Variants in DOCK8 observed in about 807,000 individuals in gnomAD.
The protein encoded by DOCK8 is dedicator of cytokinesis 8.
In DOCK8, 141 loss-of-function variants were observed where a neutral mutation model predicts 245.6. The ratio of observed to expected loss-of-function variants is 0.57; its 90% CI spans 0.50 to 0.66. The LOEUF (loss-of-function observed/expected upper bound fraction) is 0.66, where lower values mean the gene tolerates loss of function less well. Ranked by LOEUF, DOCK8 falls within the 30% of genes least tolerant of loss-of-function variation. The probability of loss-of-function intolerance (pLI) is 0.00; values close to 1 mark genes in which losing one functional copy is unlikely to be tolerated. For synonymous variants in DOCK8, 1,168 were observed against 970.2 expected, an observed-to-expected ratio of 1.20 and a Z score of -3.79; for missense variants, 2,965 against 2,603.4, an observed-to-expected ratio of 1.14 and a Z score of -3.02.
At chr9:307,009 G>A (rs972434392) in intron 5 of DOCK8, among the ~76,000 whole-genome samples, 8 of 152,146 alleles carry the variant, frequency 5.3e-5, no homozygotes, top group African/African-American at 1.9e-4. Flanking sequence ...GGTAAGATAA[G>A]GGTGATTCTG....
At chr9:372,308 A>G (rs1563977514) in intron 18 of DOCK8, 22 bp downstream of exon 18, 1 of 1,588,778 alleles carries the variant, frequency 6.3e-7, no homozygotes, top group Admixed American at 1.7e-5. Context: ...GCTGGCCATC[A>G]GCTGTTTCTT....
At chr9:450,917 C>T (rs1305355309) in intron 45 of DOCK8, among the ~76,000 whole-genome samples, 1 of 151,298 alleles carries the variant, frequency 6.6e-6, no homozygotes, top group African/African-American at 2.4e-5. Context: ...TCAAGGCAAT[C>T]CTGATTTTTA....
chr9:283,855 C>T (rs1301600033), intron 2 of DOCK8, among the ~76,000 whole-genome samples: 1 of 152,102 alleles, frequency 6.6e-6, no homozygotes, highest in Non-Finnish European at 1.5e-5. Context: ...CATTTGGGTT[C>T]CATCCCGTGG....
chr9:427,212 T>C (rs1176136256), intron 34 of DOCK8, among the ~76,000 whole-genome samples: 1 of 152,158 alleles, frequency 6.6e-6, no homozygotes, highest in Non-Finnish European at 1.5e-5. Flanking sequence ...GAGGGTTAGG[T>C]GTTTGGCCAG....
At chr9:376,901 T>G in intron 19 of DOCK8, 76 bp from the exon 20 acceptor site, 2 of 1,294,070 alleles carry the variant, frequency 1.5e-6, no homozygotes, top group Non-Finnish European at 2.2e-6. Context: ...TAAAGAGCTA[T>G]TCGATTGTGT....
intron 1 of DOCK8, among the ~76,000 whole-genome samples, chr9:270,978 C>T (rs2048148362): frequency 6.6e-6 from 1 of 152,184 alleles, no homozygotes; most frequent in Non-Finnish European, 1.5e-5. Flanking sequence ...CACATGCCAG[C>T]AGGTGTGAGT....
At chr9:379,543 C>A (rs553237176) in intron 20 of DOCK8, among the ~76,000 whole-genome samples, 5 of 152,204 alleles carry the variant, frequency 3.3e-5, no homozygotes, top group Admixed American at 1.3e-4. Flanking sequence ...CATTAAAAAC[C>A]ATCAATGCTA....
At chr9:342,297 C>CT (rs34071975) in intron 14 of DOCK8, among the ~76,000 whole-genome samples, 262 of 124,410 alleles carry the variant, frequency 2.1e-3, no homozygotes, top group Non-Finnish European at 2.9e-3. Context: ...TTTCTTTTTT[C>CT]TTTTTTTTTT....
chr9:314,027 C>A (rs909887820), intron 6 of DOCK8, among the ~76,000 whole-genome samples: 5 of 152,134 alleles, frequency 3.3e-5, no homozygotes, highest in Non-Finnish European at 7.4e-5. Context: ...GGCTAAAGAG[C>A]TTTTTCAAGA....
intron 5 of DOCK8, among the ~76,000 whole-genome samples, chr9:308,552 G>A (rs114329405): frequency 0.011 from 1,668 of 152,200 alleles, 32 homozygotes; most frequent in African/African-American, 0.038. Flanking sequence ...AGATTCCTTG[G>A]TACACGTAGA....
At chr9:420,620 A>G in intron 31 of DOCK8, 37 bp downstream of exon 31, 5 of 1,611,866 alleles carry the variant, frequency 3.1e-6, no homozygotes, top group South Asian at 1.1e-5. Context: ...ACCAGCTCTT[A>G]TCTCTCAATT....
At chr9:251,243 G>C (rs928340873) in intron 1 of DOCK8, among the ~76,000 whole-genome samples, 1 of 152,004 alleles carries the variant, frequency 6.6e-6, no homozygotes, top group Non-Finnish European at 1.5e-5. Context: ...TTTGTTCCTT[G>C]GTGAAACACA....
intron 1 of DOCK8, among the ~76,000 whole-genome samples, chr9:245,488 A>G (rs2047486062): frequency 1.3e-5 from 2 of 152,128 alleles, no homozygotes; most frequent in Non-Finnish European, 2.9e-5. Flanking sequence ...GATTACATGC[A>G]TGAGCCACCA....
chr9:249,021 C>G (rs1308135665), intron 1 of DOCK8, among the ~76,000 whole-genome samples: 1 of 152,206 alleles, frequency 6.6e-6, no homozygotes, highest in African/African-American at 2.4e-5. Flanking sequence ...GGAGGTCCCA[C>G]TCTTCCAGGT....
intron 22 of DOCK8, among the ~76,000 whole-genome samples, chr9:384,173 G>A (rs1321021646): frequency 6.6e-6 from 1 of 152,080 alleles, no homozygotes; most frequent in Non-Finnish European, 1.5e-5. Flanking sequence ...TTTGTAGATT[G>A]TCTCTCATTA....
chr9:273,011 A>T (rs901258568), intron 2 of DOCK8: 3 of 984,936 alleles, frequency 3.0e-6, no homozygotes, highest in Non-Finnish European at 3.6e-6. Context: ...TCTGCCTTAG[A>T]AATTTTGTAA....
chr9:448,154 A>G (rs760547950), intron 44 of DOCK8, among the ~76,000 whole-genome samples: 14 of 151,730 alleles, frequency 9.2e-5, no homozygotes, highest in Non-Finnish European at 1.9e-4. Context: ...GTGCAGTGGC[A>G]TGAACATGGC....
chr9:326,928 A>C (rs10813630), intron 8 of DOCK8, among the ~76,000 whole-genome samples: 2 of 152,032 alleles, frequency 1.3e-5, no homozygotes, highest in Admixed American at 6.5e-5. Flanking sequence ...TAAAATTCTC[A>C]TGGTGATGAA....
intron 33 of DOCK8, among the ~76,000 whole-genome samples, chr9:426,213 A>G (rs2056495400): frequency 6.6e-6 from 1 of 152,198 alleles, no homozygotes; most frequent in African/African-American, 2.4e-5. Context: ...CTAATAGAGG[A>G]GCGAGCACCA....
Sources: gnomAD v4.1 joint callset for allele counts (sites outside exome capture counted in the v4.1 genomes callset) on GRCh38, gnomAD v4.1.1 for gene constraint, MANE v1.5 for transcripts, NCBI Gene and HGNC (gene_info 2026-07-23, HGNC 2026-07-21) for gene names.